Variants in CPLANE1 observed in about 807,000 individuals in gnomAD.
The protein encoded by CPLANE1 is ciliogenesis and planar polarity effector 1.
Under a neutral mutation model 362.5 loss-of-function variants are expected in CPLANE1, and 263 were observed. The ratio of observed to expected loss-of-function variants is 0.73; its 90% confidence interval spans 0.66 to 0.80. The LOEUF (loss-of-function observed/expected upper bound fraction) is 0.80, where lower values mean the gene tolerates loss of function less well. CPLANE1 is among the 30% of genes least tolerant of loss of function. CPLANE1 has a pLI of 0.00. For missense variants in CPLANE1, 3,461 were observed against 3,793.4 expected, an observed-to-expected ratio of 0.91 and a Z score of 2.30; for synonymous variants, 1,212 against 1,302.6, an observed-to-expected ratio of 0.93 and a Z score of 1.50.
At chr5:37,154,914 C>G (rs1173836484) in intron 41 of CPLANE1, among the ~76,000 whole-genome samples, 1 of 152,154 alleles carries the variant, frequency 6.6e-6, no homozygotes, top group Non-Finnish European at 1.5e-5. Flanking sequence ...CTTCCTTGTT[C>G]CGCAGCTCAG....
the CPLANE1 span, among the ~76,000 whole-genome samples, chr5:37,094,024 G>A: frequency 6.9e-6 from 1 of 145,420 alleles, no homozygotes; most frequent in African/African-American, 2.7e-5. Flanking sequence ...CGCTGGCAGT[G>A]GGGGGCAGGA....
intron 48 of CPLANE1, among the ~76,000 whole-genome samples, chr5:37,122,154 T>C (rs1468480080): frequency 6.6e-6 from 1 of 152,188 alleles, no homozygotes; most frequent in Non-Finnish European, 1.5e-5. Context: ...TTATGGTCTC[T>C]GGAGTATTTC....
chr5:37,100,271 G>C, the CPLANE1 span, among the ~76,000 whole-genome samples: 5 of 152,112 alleles, frequency 3.3e-5, no homozygotes, highest in Admixed American at 6.5e-5. Flanking sequence ...AATCCATCTT[G>C]AGTTAATTTT....
chr5:37,203,702 GA>G (rs1380027330), intron 18 of CPLANE1, among the ~76,000 whole-genome samples: 1 of 152,130 alleles, frequency 6.6e-6, no homozygotes, highest in Non-Finnish European at 1.5e-5. Context: ...ATTTTCTGTA[GA>G]GACAGGGTTT....
intron 42 of CPLANE1, among the ~76,000 whole-genome samples, chr5:37,151,622 G>A (rs1296741077): frequency 2.0e-5 from 3 of 152,182 alleles, no homozygotes; most frequent in Admixed American, 2.0e-4. Context: ...TCAAATATCT[G>A]GCTGTAGATA....
chr5:37,085,019 C>G, the CPLANE1 span: 1 of 624,130 alleles, frequency 1.6e-6, no homozygotes, highest in Admixed American at 2.5e-5. Context: ...CTTACACACA[C>G]CGGAAGAGAG....
chr5:37,091,760 C>G, the CPLANE1 span, among the ~76,000 whole-genome samples: 2 of 152,052 alleles, frequency 1.3e-5, no homozygotes, highest in East Asian at 3.9e-4. Flanking sequence ...TGTGTCCATA[C>G]CCCCTCAGGT....
intron 21 of CPLANE1, 96 bp downstream of exon 21, chr5:37,195,762 G>A: frequency 8.6e-7 from 1 of 1,164,546 alleles, no homozygotes; most frequent in Non-Finnish European, 1.2e-6. Flanking sequence ...TAAAATATCA[G>A]AGCATATTGT....
At chr5:37,203,885 G>A (rs1272662308) in intron 18 of CPLANE1, among the ~76,000 whole-genome samples, 1 of 152,092 alleles carries the variant, frequency 6.6e-6, no homozygotes, top group Non-Finnish European at 1.5e-5. Flanking sequence ...TAATGGAATG[G>A]AATTCATTCA....
intron 8 of CPLANE1, among the ~76,000 whole-genome samples, chr5:37,235,475 C>T (rs919269393): frequency 2.0e-5 from 3 of 151,798 alleles, no homozygotes; most frequent in Non-Finnish European, 4.4e-5. Flanking sequence ...ATTACCAGCG[C>T]CATTTTTCAC....
At chr5:37,220,992 T>C (rs1011371854) in intron 15 of CPLANE1, among the ~76,000 whole-genome samples, 4 of 152,168 alleles carry the variant, frequency 2.6e-5, no homozygotes, top group African/African-American at 9.7e-5. Context: ...GCAATTACTA[T>C]ACTGTTAAAT....
intron 30 of CPLANE1, 128 bp downstream of exon 30, chr5:37,177,493 T>A (rs919253224): frequency 5.8e-5 from 40 of 685,588 alleles, no homozygotes; most frequent in South Asian, 9.2e-5. Flanking sequence ...AACTATAAAC[T>A]GAAGTTACAG....
chr5:37,115,025 T>C lies in CPLANE1; in HGVS notation c.9335A>G (p.Lys3112Arg), dbSNP rs1228711864. 6.2e-7 allele frequency: 1 copy of C among 1,609,632 alleles called. No homozygotes were observed. Residue 3112 changes from lysine to arginine, a missense_variant, in exon 51 of 53, where the codon AAA becomes AGA. Lys to Arg is a conservative substitution (Grantham distance 26). Coordinates refer to ENST00000651892, the MANE Select transcript of CPLANE1 (RefSeq NM_001384732.1). ...PHGTATFTIQKKAGGAKAAVR... is the reference protein window; with the variant it reads ...PHGTATFTIQRKAGGAKAAVR... ...TGCTGCTTTGGCTCCACCAGCTTTT[T>C]TCTGTATGGTGAAAGTGGCAGTTCC...
At chr5:37,097,852 A>G in the CPLANE1 span, among the ~76,000 whole-genome samples, 22 of 152,322 alleles carry the variant, frequency 1.4e-4, no homozygotes, top group African/African-American at 4.6e-4. Flanking sequence ...TCATAATAAC[A>G]TCTCAATAAT....
the CPLANE1 span, among the ~76,000 whole-genome samples, chr5:37,093,237 C>T: frequency 1.3e-5 from 2 of 152,182 alleles, no homozygotes; most frequent in African/African-American, 4.8e-5. Flanking sequence ...GTCTAATGAA[C>T]TTCTCTTATA....
rs1444245373 is a variant in CPLANE1, at chr5:37,115,045, A to G, written c.9315T>C (p.Thr3105=). 2 of 1,598,092 alleles carry G rather than the reference A, an allele frequency of 1.3e-6. No individual in the cohort carries two copies. The highest frequency in any genetic ancestry group is 2.2e-5 in the East Asian group (1 of 44,838). Residue 3105 remains threonine, a synonymous_variant, in exon 51 of 53, where the codon ACT becomes ACC. Transcript: ENST00000651892. ...CTTTTTTCTGTATGGTGAAAGTGGCAGTTCCTATACAGAGAGACAAACATT... is the reference window on the plus strand; with the variant it reads ...CTTTTTTCTGTATGGTGAAAGTGGCGGTTCCTATACAGAGAGACAAACATT... ...QPQGSPWPHG[T]ATFTIQKKAG...
At chr5:37,139,995 G>A (rs1361142718) in intron 44 of CPLANE1, 14 of 954,478 alleles carry the variant, frequency 1.5e-5, no homozygotes, top group South Asian at 4.8e-5. Flanking sequence ...AATCTCTGGT[G>A]ATCTGAAAGT....
chr5:37,082,332 A>G, the CPLANE1 span, among the ~76,000 whole-genome samples: 2 of 152,222 alleles, frequency 1.3e-5, no homozygotes, highest in Non-Finnish European at 2.9e-5. Flanking sequence ...ATAGAAAAAA[A>G]TCAAAAATTT....
At chr5:37,221,279 C>A in intron 15 of CPLANE1, 45 bp downstream of exon 15, 5 of 1,336,180 alleles carry the variant, frequency 3.7e-6, no homozygotes, top group Non-Finnish European at 5.0e-6. Context: ...ATAGGGAGAC[C>A]CTGTCTCTTT....
Sources: gnomAD v4.1 joint callset for allele counts (sites outside exome capture counted in the v4.1 genomes callset) on GRCh38, gnomAD v4.1.1 for gene constraint, MANE v1.5 for transcripts, NCBI Gene and HGNC (gene_info 2026-07-23, HGNC 2026-07-21) for gene names.